CBLC: variants seen among roughly 807,000 people sequenced by gnomAD.
The protein encoded by CBLC is E3 ubiquitin-protein ligase CBL-C.
CBLC carries 46 observed loss-of-function variants against 58.6 expected under a neutral mutation model. That is an observed-to-expected ratio of 0.79 (90% confidence interval 0.62 to 1.00). CBLC has a LOEUF of 1.00. CBLC is among the 50% of genes least tolerant of loss of function. The probability of loss-of-function intolerance (pLI) is 0.00; values close to 1 mark genes in which losing one functional copy is unlikely to be tolerated. For missense variants in CBLC, 655 were observed against 625.8 expected, an observed-to-expected ratio of 1.05 and a Z score of -0.50; for synonymous variants, 271 against 264.2, an observed-to-expected ratio of 1.03 and a Z score of -0.25.
At position 44,790,077 on chromosome 19, in the gene CBLC, A is replaced by G; in HGVS notation, c.991A>G (p.Ile331Val). Residue 331 changes from isoleucine (I) to valine (V), a missense_variant, in exon 6 of 11, where the codon ATC (isoleucine) becomes GTC (valine). Transcript: ENST00000647358. ...CGGCCAGGCAGAACCCCAGCAGCGC[A>G]TCCACGTGTCAGAGGTGAGACCCGC... ...ELGQAEPQQR[I>V]HVSEEQLQLY... 1 of 1,613,822 alleles carries G rather than the reference A, an allele frequency of 6.2e-7. No individual in the cohort carries two copies. Among genetic ancestry groups the G allele is most frequent in the Non-Finnish European group, 8.5e-7 (1 of 1,179,876 alleles).
chr19:44,792,096 C>T (rs570738241), intron 6 of CBLC, among the ~76,000 whole-genome samples: 71 of 151,714 alleles, frequency 4.7e-4, no homozygotes, highest in African/African-American at 1.6e-3. Flanking sequence ...CGGGTTCAAG[C>T]GATTCTCCTG....
At chr19:44,784,961 T>TTTTTG (rs1967854958) in intron 5 of CBLC, among the ~76,000 whole-genome samples, 2 of 101,910 alleles carry the variant, frequency 2.0e-5, no homozygotes, top group African/African-American at 8.9e-5. Context: ...TTTTTTTTTT[T>TTTTTG]TTTTTTTTTT....
In CBLC at chr19:44,784,397, G is replaced by T; in HGVS notation, c.913G>T (p.Gly305Cys). 1 of 1,576,538 alleles carries T rather than the reference G, an allele frequency of 6.3e-7. No homozygotes were observed. Among genetic ancestry groups the T allele is most frequent in the Non-Finnish European group, 8.7e-7 (1 of 1,150,826 alleles). Residue 305 changes from glycine (G) to cysteine (C), a missense_variant, in exon 5 of 11, where the codon GGC (glycine) becomes TGC (cysteine). Gly to Cys is a radical substitution (Grantham distance 159). Transcript: ENST00000647358. ...GGTGCTCCTGGAGGGACAGAAGGAC[G>T]GCTTGTGAGTCTCCATTCTGGTAGG... ...SQVLLEGQKD[G>C]FYLYPDGKTH...
intron 6 of CBLC, among the ~76,000 whole-genome samples, chr19:44,791,778 G>C (rs999077312): frequency 1.3e-5 from 2 of 151,372 alleles, no homozygotes; most frequent in Non-Finnish European, 2.9e-5. Flanking sequence ...GAGGCCATTG[G>C]ACATGCCAGC....
intron 1 of CBLC, among the ~76,000 whole-genome samples, chr19:44,780,480 T>TC (rs1424914858): frequency 6.7e-6 from 1 of 148,266 alleles, no homozygotes; most frequent in East Asian, 2.0e-4. Flanking sequence ...TTTTTTTTTT[T>TC]TTTTTTTTTT....
At chr19:44,799,767 G>T (rs1054471509) in intron 9 of CBLC, among the ~76,000 whole-genome samples, 2 of 150,270 alleles carry the variant, frequency 1.3e-5, no homozygotes, top group African/African-American at 4.9e-5. Flanking sequence ...GAAAAAGAAA[G>T]AAAGGGAGGG....
intron 5 of CBLC, among the ~76,000 whole-genome samples, chr19:44,784,846 G>A (rs1054766589): frequency 6.6e-6 from 1 of 151,386 alleles, no homozygotes; most frequent in Non-Finnish European, 1.5e-5. Flanking sequence ...AATGACAGGC[G>A]TGAGCCACCG....
Position 44,778,204 on chromosome 19 carries a change from C to T in CBLC, c.273C>T (p.Ser91=), listed in dbSNP as rs1241487639. 6.7e-7 allele frequency: 1 copy of T among 1,499,726 alleles called. No homozygotes were observed. 92.9% of individuals were successfully genotyped at this position (1,499,726 alleles called of 1,614,324 possible). Residue 91 remains serine, a synonymous_variant, in exon 1 of 11, where the codon AGC becomes AGT. Coordinates refer to ENST00000647358, the MANE Select transcript of CBLC (RefSeq NM_012116.4). ...ACCTGGCCAATCTGGAGGCCAAGAG[C>T]AGGCAGGTGGCCGCGCTGCTGCCTC... ...LIYLANLEAK[S]RQVAALLPPR...
At chr19:44,785,184 T>C (rs1345907114) in intron 5 of CBLC, among the ~76,000 whole-genome samples, 4 of 150,136 alleles carry the variant, frequency 2.7e-5, no homozygotes, top group African/African-American at 4.9e-5. Context: ...ACCATGTTGG[T>C]CAGGCTGGTC....
chr19:44,792,073 A>T (rs1455561205), intron 6 of CBLC, among the ~76,000 whole-genome samples: 1 of 150,260 alleles, frequency 6.7e-6, no homozygotes, highest in Non-Finnish European at 1.5e-5. Context: ...AGCTCACTGT[A>T]ACCTCCATCT....
intron 9 of CBLC, among the ~76,000 whole-genome samples, chr19:44,796,702 G>A (rs1968185375): frequency 6.6e-6 from 1 of 152,066 alleles, no homozygotes; most frequent in Non-Finnish European, 1.5e-5. Flanking sequence ...TTTTTAATAA[G>A]CCCTGTCCTG....
intron 5 of CBLC, among the ~76,000 whole-genome samples, chr19:44,788,568 C>T (rs1191204363): frequency 6.6e-6 from 1 of 151,518 alleles, no homozygotes; most frequent in African/African-American, 2.4e-5. Flanking sequence ...CAATCTCTGC[C>T]TCCTGGGTTC....
Position 44,778,018 on chromosome 19 carries a change from A to C in CBLC, c.87A>C (p.Glu29Asp). ...CAGTCAGGATGCTGCAGCGCCTAGA[A>C]GAGCAATGCGTCGACCCCCGGCTGT... ...GRAVRMLQRL[E>D]EQCVDPRLSV... The change falls in exon 1 of 11, where the codon GAA becomes GAC. Residue 29 changes from glutamate (E) to aspartate (D), a missense_variant. Transcript: ENST00000647358. 6.2e-7 allele frequency: 1 copy of C among 1,609,274 alleles called. No individual in the cohort carries two copies. The highest frequency in any genetic ancestry group is 8.5e-7 in the Non-Finnish European group (1 of 1,179,574).
chr19:44,789,548 G>A (rs1199373256), intron 5 of CBLC, among the ~76,000 whole-genome samples: 3 of 151,924 alleles, frequency 2.0e-5, no homozygotes, highest in East Asian at 1.9e-4. Flanking sequence ...GCACCACCAC[G>A]CCCAGCTAAT....
chr19:44,787,262 C>T (rs532806450), intron 5 of CBLC, among the ~76,000 whole-genome samples: 25 of 150,632 alleles, frequency 1.7e-4, no homozygotes, highest in African/African-American at 5.9e-4. Flanking sequence ...GGCGCAGTGG[C>T]GGGCGTCTGT....
At chr19:44,784,870 T>A (rs1967847167) in intron 5 of CBLC, among the ~76,000 whole-genome samples, 1 of 150,742 alleles carries the variant, frequency 6.6e-6, no homozygotes, top group Non-Finnish European at 1.5e-5. Flanking sequence ...CCAGCCAGCT[T>A]TTGTTTCTAG....
intron 6 of CBLC, among the ~76,000 whole-genome samples, chr19:44,791,510 A>G (rs2122481541): frequency 6.6e-6 from 1 of 152,196 alleles, no homozygotes; most frequent in South Asian, 2.1e-4. Flanking sequence ...AGGCGGGCAG[A>G]TTACTTGAGG....
At chr19:44,781,467 T>C in intron 3 of CBLC, 104 bp downstream of exon 3, 1 of 1,156,388 alleles carries the variant, frequency 8.6e-7, no homozygotes, top group South Asian at 1.6e-5. Flanking sequence ...GGACCTGGAC[T>C]CCTGGATCTG....
chr19:44,799,963 G>C (rs372925038), intron 9 of CBLC, among the ~76,000 whole-genome samples: 11 of 152,244 alleles, frequency 7.2e-5, no homozygotes, highest in East Asian at 5.8e-4. Context: ...TGAGCAGAAG[G>C]GTGGACACAT....
Sources: allele counts gnomAD v4.1 joint callset (sites outside exome capture counted in the v4.1 genomes callset), GRCh38; gene constraint gnomAD v4.1.1; transcripts MANE v1.5; gene names NCBI Gene and HGNC (gene_info 2026-07-23, HGNC 2026-07-21).